The following FTCD variants were observed in gnomAD, a reference collection of about 807,000 sequenced individuals.
The protein encoded by FTCD is formimidoyltransferase-cyclodeaminase.
FTCD carries 76 observed loss-of-function variants against 62.9 expected under a neutral mutation model. That is an observed-to-expected ratio of 1.21 (90% CI 1.00 to 1.46). FTCD has a LOEUF of 1.46. Ranked by LOEUF, FTCD falls within the 40% of genes most tolerant of loss-of-function variation. FTCD has a pLI of 0.00. For synonymous variants in FTCD, 397 were observed against 336.9 expected (o/e 1.18, Z -1.95); for missense variants, 845 against 751.3 (o/e 1.12, Z -1.46).
At chr21:46,146,186 G>T in intron 8 of FTCD, 80 bp downstream of exon 8, 2 of 1,036,746 alleles carry the variant, frequency 1.9e-6, no homozygotes, top group Non-Finnish European at 3.0e-6. Context: ...GGGTCTCCAC[G>T]CAGGGACCCC....
intron 7 of FTCD, 77 bp from the exon 8 acceptor site, chr21:46,146,404 A>C (rs924158215): frequency 7.9e-6 from 8 of 1,012,972 alleles, no homozygotes; most frequent in Non-Finnish European, 1.2e-5. Context: ...CGCGGGTCCC[A>C]CCCTTGCGGC....
At chr21:46,150,762 C>T (rs944564843) in intron 5 of FTCD, among the ~76,000 whole-genome samples, 4 of 152,236 alleles carry the variant, frequency 2.6e-5, no homozygotes, top group African/African-American at 9.6e-5. Context: ...CCGGCAGGCC[C>T]CCGCCCAGCC....
intron 3 of FTCD, chr21:46,152,668 T>C (rs1001847883): frequency 4.1e-5 from 19 of 464,890 alleles, no homozygotes; most frequent in African/African-American, 2.8e-4. Flanking sequence ...TTAAGGCTCT[T>C]GGTTTGCCTG....
At position 46,145,496 on chromosome 21, in the gene FTCD, A is replaced by G; in HGVS notation, c.1181T>C (p.Leu394Pro). 1 of 1,554,396 alleles carries G rather than the reference A, an allele frequency of 6.4e-7. No homozygotes were observed. The highest frequency in any genetic ancestry group is 8.7e-7 in the Non-Finnish European group (1 of 1,149,636). ...FQSLDTTMRR[L>P]IPPFREASAK... Reference sequence around the variant, plus strand: ...CGAAGCCTCGCGGAAGGGCGGGATCAGGCGCCGCATCGTCGTGTCCAGGGA... The same window carrying G: ...CGAAGCCTCGCGGAAGGGCGGGATCGGGCGCCGCATCGTCGTGTCCAGGGA... The change falls in exon 10 of 14, where the codon CTG (leucine) becomes CCG (proline). Residue 394 changes from leucine to proline, a missense_variant. By Grantham distance (98) the Leu-to-Pro change is moderately conservative (BLOSUM62 -3). Transcript: ENST00000397746.
intron 10 of FTCD, among the ~76,000 whole-genome samples, chr21:46,140,489 G>C (rs1601301598): frequency 1.4e-5 from 2 of 144,716 alleles, no homozygotes; most frequent in South Asian, 4.4e-4. Flanking sequence ...TGTTCGCAGG[G>C]AATGTAAATC....
chr21:46,151,443 G>T, intron 5 of FTCD, 115 bp downstream of exon 5: 1 of 970,770 alleles, frequency 1.0e-6, no homozygotes, highest in Non-Finnish European at 1.6e-6. Flanking sequence ...GTGGGAGGCC[G>T]AACCCTGTCC....
At chr21:46,139,862 C>T (rs919783207) in intron 10 of FTCD, among the ~76,000 whole-genome samples, 3 of 152,174 alleles carry the variant, frequency 2.0e-5, no homozygotes, top group African/African-American at 4.8e-5. Flanking sequence ...CTGCGACTCG[C>T]GCTACGAACA....
Position 46,152,968 on chromosome 21 carries a change from A to G in FTCD, c.306T>C (p.Asp102=), listed in dbSNP as rs2123576020. 6.4e-7 allele frequency: 1 copy of G among 1,557,762 alleles called. No homozygotes were observed. Among genetic ancestry groups the G allele is most frequent in the Non-Finnish European group, 8.7e-7 (1 of 1,150,942 alleles). Residue 102 remains aspartate (D), a synonymous_variant, in exon 3 of 14, where the codon GAT becomes GAC. Transcript: ENST00000397746. ...PFIPVRGVSV[D]ECVLCAQAFG... ...AGGCCTGGGCGCAGAGCACACACTC[A>G]TCCACGCTGACGCCCCTCACGGGGA... is the stretch of plus-strand genomic sequence containing the variant.
chr21:46,147,270 T>A (rs1287041351), intron 7 of FTCD, among the ~76,000 whole-genome samples: 4 of 142,122 alleles, frequency 2.8e-5, no homozygotes, highest in Non-Finnish European at 6.1e-5. Flanking sequence ...AGTCCCTGCC[T>A]TCCCTTTGGG....
chr21:46,142,628 G>C (rs1026665351), intron 10 of FTCD: 3 of 152,286 alleles, frequency 2.0e-5, no homozygotes, highest in Admixed American at 6.5e-5. Context: ...AAGGCCCAAA[G>C]AGTAAGCAGC....
downstream of FTCD, chr21:46,136,628 C>T: frequency 6.7e-7 from 1 of 1,492,706 alleles, no homozygotes; most frequent in Non-Finnish European, 8.9e-7. Context: ...TGTCTGGGGA[C>T]CCTGGCGCTG....
chr21:46,152,098 C>T (rs2079301366), intron 3 of FTCD, 118 bp from the exon 4 acceptor site: 1 of 706,646 alleles, frequency 1.4e-6, no homozygotes, highest in East Asian at 2.7e-5. Context: ...TCTACTGCAC[C>T]CTCTCCTGGG....
chr21:46,138,072 G>A (rs562022884), intron 12 of FTCD, among the ~76,000 whole-genome samples: 1 of 152,064 alleles, frequency 6.6e-6, no homozygotes, highest in African/African-American at 2.4e-5. Flanking sequence ...TGTATCTATT[G>A]TACAGCCAGG....
chr21:46,138,680 G>GGCAC, intron 11 of FTCD, 34 bp from the exon 12 acceptor site: 1 of 1,590,166 alleles, frequency 6.3e-7, no homozygotes, highest in Non-Finnish European at 8.5e-7. Context: ...TGAGCACAGC[G>GGCAC]GCACACACAG....
At chr21:46,136,486 C>T, downstream of FTCD, 1 of 1,612,596 alleles carries the variant, frequency 6.2e-7, no homozygotes, top group Non-Finnish European at 8.5e-7. Flanking sequence ...CCTGCTGTCC[C>T]TGGGGTTTCT....
chr21:46,140,324 G>C (rs1246149500), intron 10 of FTCD, among the ~76,000 whole-genome samples: 1 of 97,084 alleles, frequency 1.0e-5, no homozygotes, highest in Non-Finnish European at 2.0e-5. Context: ...GTCCACCTTC[G>C]CATTGCTCAG....
intron 1 of FTCD, among the ~76,000 whole-genome samples, chr21:46,154,630 C>T (rs1423219394): frequency 1.3e-5 from 2 of 152,230 alleles, no homozygotes; most frequent in East Asian, 3.8e-4. Flanking sequence ...AGAGACGTGG[C>T]CGGGGATCCA....
In FTCD at chr21:46,155,528, A is replaced by T; in HGVS notation, c.-5T>A. 3.1e-6 allele frequency: 5 copies of T among 1,612,660 alleles called. No individual in the cohort carries two copies. Among genetic ancestry groups the T allele is most frequent in the Non-Finnish European group, 3.4e-6 (4 of 1,179,704 alleles). On this transcript the variant is annotated 5_prime_UTR_variant, in exon 1 of 14. Coordinates refer to ENST00000397746, the MANE Select transcript of FTCD (RefSeq NM_206965.2). ...GCATTCCACCAGCTGGGACATGGCC[A>T]GCACCTTGATCCAGATGCTCCTCTC...
intron 10 of FTCD, among the ~76,000 whole-genome samples, chr21:46,139,828 G>A (rs746158387): frequency 5.9e-5 from 9 of 152,156 alleles, no homozygotes; most frequent in South Asian, 2.1e-4. Flanking sequence ...AGTTGCAGGC[G>A]GAGGCAGGAC....
Sources: allele counts gnomAD v4.1 joint callset (sites outside exome capture counted in the v4.1 genomes callset), GRCh38; gene constraint gnomAD v4.1.1; transcripts MANE v1.5; gene names NCBI Gene and HGNC (gene_info 2026-07-23, HGNC 2026-07-21).